The following TP53BP1 variants were observed in gnomAD, a reference collection of about 807,000 sequenced individuals.
The protein encoded by TP53BP1 is tumor protein p53 binding protein 1.
A neutral mutation model predicts 200.8 loss-of-function variants in TP53BP1; 61 were observed. That is an observed-to-expected ratio of 0.30 (90% confidence interval 0.25 to 0.38). The LOEUF is 0.38. Ranked by LOEUF, TP53BP1 falls within the 10% of genes least tolerant of loss-of-function variation. TP53BP1 has a pLI of 1.00. For synonymous variants in TP53BP1, 822 were observed against 844.3 expected, an observed-to-expected ratio of 0.97 and a Z score of 0.46; for missense variants, 2,144 against 2,371.9, an observed-to-expected ratio of 0.90 and a Z score of 2.00.
chr15:43,414,030 G>A (rs1192804910), intron 23 of TP53BP1: 3 of 440,330 alleles, frequency 6.8e-6, no homozygotes, highest in African/African-American at 2.1e-5. Context: ...ATAAGTCCTT[G>A]AGAAAAAAAA....
At chr15:43,451,452 G>T (rs1251929339) in intron 12 of TP53BP1, among the ~76,000 whole-genome samples, 4 of 150,284 alleles carry the variant, frequency 2.7e-5, no homozygotes, top group Admixed American at 6.7e-5. Context: ...TTTTGTCCTT[G>T]CGATAGTTTA....
At position 43,485,159 on chromosome 15, in the gene TP53BP1, T is replaced by C. The variant is rs574905571; in HGVS notation, c.372-4137A>G. Reference sequence around the variant, plus strand: ...TCTAACATACTACATATTTTACTTATTTATCATATATTGCTATACCCTACA... The same window carrying C: ...TCTAACATACTACATATTTTACTTACTTATCATATATTGCTATACCCTACA... On this transcript the variant is annotated intron_variant, in intron 4 of 27. Transcript: ENST00000382044. 3.2e-4 allele frequency among the ~76,000 whole-genome samples: 49 copies of C among 152,318 alleles called. 1 individual carries two copies. Among genetic ancestry groups the C allele is most frequent in the African/African-American group, 1.1e-3 (46 of 41,580 alleles).
At chr15:43,429,384 C>T (rs2045621195) in intron 17 of TP53BP1, among the ~76,000 whole-genome samples, 2 of 152,168 alleles carry the variant, frequency 1.3e-5, no homozygotes, top group South Asian at 2.1e-4. Context: ...ATCCTCCCTC[C>T]TACACCCCAC....
chr15:43,452,091 T>C (rs1468485701), intron 12 of TP53BP1, among the ~76,000 whole-genome samples: 4 of 152,184 alleles, frequency 2.6e-5, no homozygotes, highest in Admixed American at 1.3e-4. Context: ...GCCGAGATCA[T>C]GTCACTGCAC....
intron 22 of TP53BP1, 128 bp from the exon 23 acceptor site, chr15:43,415,937 GCTT>G: frequency 1.2e-6 from 1 of 819,552 alleles, no homozygotes; most frequent in Non-Finnish European, 1.9e-6. Context: ...AGGCCAAGAA[GCTT>G]CTTTTTAAGG....
intron 20 of TP53BP1, 35 bp from the exon 21 acceptor site, chr15:43,420,770 G>A (rs750077992): frequency 3.8e-6 from 6 of 1,567,510 alleles, no homozygotes; most frequent in East Asian, 2.2e-5. Flanking sequence ...AAGCCGGTGA[G>A]AACAAGAACA....
Position 43,404,077 on chromosome 15 carries a change from C to A in TP53BP1, c.*3306G>T. 1 of 524,094 alleles carries A rather than the reference C, an allele frequency of 1.9e-6. No individual in the cohort carries two copies. Among genetic ancestry groups the A allele is most frequent in the Admixed American group, 3.3e-5 (1 of 30,090 alleles). 32.5% of individuals were successfully genotyped at this position (524,094 alleles called of 1,614,324 possible). On this transcript the variant is annotated 3_prime_UTR_variant, in exon 28 of 28. Transcript: ENST00000382044. ...TAACTTCCTCACATCCTCCCCCCTC[C>A]TTACTTCCTTGAACTAACCCCCATC...
At chr15:43,422,369 GAGA>G (rs556328763) in intron 18 of TP53BP1, among the ~76,000 whole-genome samples, 11 of 152,034 alleles carry the variant, frequency 7.2e-5, no homozygotes, top group Non-Finnish European at 1.5e-4. Flanking sequence ...AGGTGATTCT[GAGA>G]AGAATTGTTC....
intron 1 of TP53BP1, among the ~76,000 whole-genome samples, chr15:43,505,360 A>G (rs917777059): frequency 4.6e-5 from 7 of 152,232 alleles, no homozygotes; most frequent in Non-Finnish European, 5.9e-5. Context: ...GAAAATCCTT[A>G]AGAGATCCCT....
At chr15:43,409,853 G>A in intron 24 of TP53BP1, 112 bp from the exon 25 acceptor site, 1 of 513,898 alleles carries the variant, frequency 1.9e-6, no homozygotes, top group Non-Finnish European at 3.4e-6. Flanking sequence ...CCACAACAGT[G>A]TGTCCCCAAA....
At chr15:43,419,729 G>A (rs2045351605) in intron 21 of TP53BP1, among the ~76,000 whole-genome samples, 1 of 151,706 alleles carries the variant, frequency 6.6e-6, no homozygotes, top group Non-Finnish European at 1.5e-5. Context: ...AGTCTAATGA[G>A]AAAATATTAG....
intron 12 of TP53BP1, among the ~76,000 whole-genome samples, chr15:43,454,767 T>C (rs1376554179): frequency 6.6e-6 from 1 of 152,140 alleles, no homozygotes; most frequent in Non-Finnish European, 1.5e-5. Context: ...AGTCTCACTC[T>C]GTTGCCCAGG....
rs202226919 is a variant in TP53BP1 at position 43,456,016 on chromosome 15, T to G, written c.2592A>C (p.Thr864=). 1.2e-6 allele frequency: 2 copies of G among 1,614,176 alleles called. No homozygotes were observed. Among genetic ancestry groups the G allele is most frequent in the African/African-American group, 2.7e-5 (2 of 75,034 alleles). Residue 864 remains threonine, a synonymous_variant, in exon 12 of 28, where the codon ACA becomes ACC. Transcript: ENST00000382044. ...TTGAGTCTTCTGTTAATGAATTACT[T>G]GTTTTCTCCTGAGTTTGGGGCTGCT... ...ELQQPQTQEK[T]SNSLTEDSKM...
Position 43,406,729 on chromosome 15 carries a change from C to G in TP53BP1, c.*654G>C. The stretch of plus-strand genomic sequence containing the variant: ...AATAATAATAATATTGGGTCTTTGA[C>G]TAGAACGTGTAACATTTCCAGGTGT... On this transcript the variant is annotated 3_prime_UTR_variant, in exon 28 of 28. Coordinates refer to ENST00000382044, the MANE Select transcript of TP53BP1 (RefSeq NM_001141980.3). 1 of 408,680 alleles carries G rather than the reference C, an allele frequency of 2.4e-6. No homozygotes were observed. The highest frequency in any genetic ancestry group is 1.8e-5 in the South Asian group (1 of 54,982). 25.3% of individuals were successfully genotyped at this position (408,680 alleles called of 1,614,324 possible).
At chr15:43,508,767 C>T (rs2079252386) in intron 1 of TP53BP1, among the ~76,000 whole-genome samples, 1 of 152,196 alleles carries the variant, frequency 6.6e-6, no homozygotes. Context: ...GTGACATTGT[C>T]AGACTTTGGC....
At chr15:43,444,062 T>C (rs540764801) in intron 14 of TP53BP1, among the ~76,000 whole-genome samples, 11 of 152,178 alleles carry the variant, frequency 7.2e-5, no homozygotes, top group Admixed American at 4.6e-4. Context: ...CTCTATAAGA[T>C]AAAAACACAA....
chr15:43,475,893 C>T (rs1002395152), intron 8 of TP53BP1, among the ~76,000 whole-genome samples, 199 bp from the exon 9 acceptor site: 5 of 152,210 alleles, frequency 3.3e-5, no homozygotes, highest in Non-Finnish European at 7.4e-5. Context: ...TAACCACCCC[C>T]GCAATGGGCT....
At chr15:43,440,538 ACT>A (rs949551130) in intron 15 of TP53BP1, among the ~76,000 whole-genome samples, 4 of 144,206 alleles carry the variant, frequency 2.8e-5, no homozygotes, top group African/African-American at 1.1e-4. Context: ...AAAAAAAAAC[ACT>A]CTGTCTTGTA....
At chr15:43,492,564 G>T (rs2079141490) in intron 1 of TP53BP1, 96 bp from the exon 2 acceptor site, 2 of 967,394 alleles carry the variant, frequency 2.1e-6, no homozygotes, top group African/African-American at 3.3e-5. Context: ...CAAGAGCTGG[G>T]AAACGGGACC....
Sources: allele counts gnomAD v4.1 joint callset (sites outside exome capture counted in the v4.1 genomes callset), GRCh38; gene constraint gnomAD v4.1.1; transcripts MANE v1.5; gene names NCBI Gene and HGNC (gene_info 2026-07-23, HGNC 2026-07-21).